The following ZMAT4 variants were observed in gnomAD, a reference collection of about 807,000 sequenced individuals.
ZMAT4 encodes zinc finger matrin-type protein 4.
In ZMAT4, 17 loss-of-function variants were observed where a neutral mutation model predicts 28.7. The ratio of observed to expected loss-of-function variants is 0.59; its 90% CI spans 0.41 to 0.89. The LOEUF (loss-of-function observed/expected upper bound fraction) is 0.89. Among genes scored for constraint, ZMAT4 ranks in the 40% least tolerant of loss-of-function variants. The pLI is 0.00. For synonymous variants in ZMAT4, 117 were observed against 109.2 expected (o/e 1.07, Z -0.44); for missense variants, 240 against 283.8 (o/e 0.85, Z 1.11).
intron 2 of ZMAT4, among the ~76,000 whole-genome samples, chr8:40,823,194 C>G (rs761966584): frequency 6.6e-6 from 1 of 151,846 alleles, no homozygotes; most frequent in Non-Finnish European, 1.5e-5. Flanking sequence ...CCAGCAATTA[C>G]GAAAGATCAA....
chr8:40,548,887 G>T (rs11996359), intron 6 of ZMAT4, among the ~76,000 whole-genome samples: 17,689 of 152,160 alleles, frequency 0.12, 1,137 homozygotes, highest in Middle Eastern at 0.2. Context: ...CTGCTAAGCT[G>T]ACAAAGGTCA....
At chr8:40,602,505 C>A (rs1585743541) in intron 5 of ZMAT4, among the ~76,000 whole-genome samples, 1 of 152,140 alleles carries the variant, frequency 6.6e-6, no homozygotes, top group African/African-American at 2.4e-5. Context: ...TAAAAGTGTT[C>A]CCTTTTCACC....
intron 2 of ZMAT4, chr8:40,808,651 C>A: frequency 2.4e-6 from 1 of 416,122 alleles, no homozygotes; most frequent in Non-Finnish European, 4.8e-6. Flanking sequence ...TCACATTAGA[C>A]ATCTTCACTC....
intron 1 of ZMAT4, among the ~76,000 whole-genome samples, chr8:40,834,025 A>T (rs1816387564): frequency 6.6e-6 from 1 of 152,222 alleles, no homozygotes; most frequent in African/African-American, 2.4e-5. Flanking sequence ...CAGGAGCTGC[A>T]TCGCTGACTC....
chr8:40,848,377 T>C (rs965829131), intron 1 of ZMAT4, among the ~76,000 whole-genome samples: 6 of 152,170 alleles, frequency 3.9e-5, no homozygotes, highest in African/African-American at 1.4e-4. Context: ...CACAATAAAA[T>C]GTTTGAATTA....
chr8:40,567,340 A>T (rs750920431), intron 6 of ZMAT4, among the ~76,000 whole-genome samples: 21 of 152,130 alleles, frequency 1.4e-4, no homozygotes, highest in Non-Finnish European at 2.6e-4. Flanking sequence ...ATTACTATTG[A>T]TATTTATATA....
intron 6 of ZMAT4, among the ~76,000 whole-genome samples, chr8:40,572,097 A>G (rs1049309370): frequency 1.3e-5 from 2 of 152,182 alleles, no homozygotes; most frequent in Admixed American, 6.6e-5. Context: ...TTTATTAAAT[A>G]TAGAAGGTTC....
At chr8:40,849,650 TC>T (rs1817031265) in intron 1 of ZMAT4, among the ~76,000 whole-genome samples, 1 of 152,126 alleles carries the variant, frequency 6.6e-6, no homozygotes, top group South Asian at 2.1e-4. Context: ...ATGGCATCAC[TC>T]ACTCTGTTCT....
chr8:40,803,794 C>G (rs974470694), intron 2 of ZMAT4, among the ~76,000 whole-genome samples: 1 of 152,158 alleles, frequency 6.6e-6, no homozygotes, highest in African/African-American at 2.4e-5. Flanking sequence ...TTTATAGCAA[C>G]TTTATTCATA....
chr8:40,575,134 C>T (rs1262512218), intron 6 of ZMAT4, among the ~76,000 whole-genome samples: 1 of 152,138 alleles, frequency 6.6e-6, no homozygotes, highest in Non-Finnish European at 1.5e-5. Flanking sequence ...GGCCATGACT[C>T]TAATTTTGAG....
At chr8:40,843,738 ACT>A (rs1214045377) in intron 1 of ZMAT4, among the ~76,000 whole-genome samples, 1 of 152,072 alleles carries the variant, frequency 6.6e-6, no homozygotes, top group African/African-American at 2.4e-5. Flanking sequence ...CTCCTTGTCC[ACT>A]CTCTGCAGAA....
At chr8:40,708,462 G>T (rs1409320267) in intron 3 of ZMAT4, among the ~76,000 whole-genome samples, 1 of 152,122 alleles carries the variant, frequency 6.6e-6, no homozygotes, top group African/African-American at 2.4e-5. Context: ...TGGAGACAAA[G>T]CAAAGGTTCA....
chr8:40,729,341 T>C lies in ZMAT4; in HGVS notation c.193-31940A>G, dbSNP rs573237906. Reference sequence around the variant, plus strand: ...GAGGTCTGTGTATTGTGCTGACCTTTAAGCTAGAAGAGCTAAGTAAAACTG... The same window carrying C: ...GAGGTCTGTGTATTGTGCTGACCTTCAAGCTAGAAGAGCTAAGTAAAACTG... On this transcript the variant is annotated intron_variant, in intron 3 of 6. Transcript: ENST00000297737. 6.9e-4 allele frequency among the ~76,000 whole-genome samples: 105 copies of C among 152,352 alleles called. 3 individuals carry two copies. The South Asian group carries it at 0.021, about 30-fold the overall frequency.
intron 2 of ZMAT4, among the ~76,000 whole-genome samples, chr8:40,791,233 G>A (rs1453788915): frequency 6.6e-6 from 1 of 152,194 alleles, no homozygotes; most frequent in Non-Finnish European, 1.5e-5. Flanking sequence ...GGGACTGGAG[G>A]AGCATGGGAT....
At chr8:40,648,199 C>A (rs900948189) in intron 5 of ZMAT4, among the ~76,000 whole-genome samples, 2 of 152,046 alleles carry the variant, frequency 1.3e-5, no homozygotes, top group African/African-American at 4.8e-5. Flanking sequence ...GAACGTATAA[C>A]TAGAATAACC....
intron 1 of ZMAT4, among the ~76,000 whole-genome samples, chr8:40,839,347 G>A (rs1268504483): frequency 2.0e-5 from 3 of 152,206 alleles, no homozygotes. Context: ...TTACAAGTAA[G>A]CATTTTGTCT....
chr8:40,630,401 T>C (rs1585783899), intron 5 of ZMAT4, among the ~76,000 whole-genome samples: 2 of 152,228 alleles, frequency 1.3e-5, no homozygotes, highest in East Asian at 1.9e-4. Flanking sequence ...ATGTGGAAGA[T>C]AGCTGCTATC....
chr8:40,756,438 A>ATATATATATATATATATATATATC (rs1812688542), intron 3 of ZMAT4, among the ~76,000 whole-genome samples: 1 of 122,190 alleles, frequency 8.2e-6, no homozygotes, highest in Non-Finnish European at 1.7e-5. Context: ...ATATATATAT[A>ATATATATATATATATATATATATC]TATATATATA....
intron 5 of ZMAT4, among the ~76,000 whole-genome samples, chr8:40,582,974 G>C (rs368055019): frequency 1.2e-4 from 18 of 152,168 alleles, no homozygotes; most frequent in Admixed American, 6.5e-5. Flanking sequence ...AACGTCCAGG[G>C]GAAGTGGTCA....
Sources: allele counts gnomAD v4.1 joint callset (sites outside exome capture counted in the v4.1 genomes callset), GRCh38; gene constraint gnomAD v4.1.1; transcripts MANE v1.5; gene names NCBI Gene and HGNC (gene_info 2026-07-23, HGNC 2026-07-21).